Variants in PLCB1 observed in about 807,000 individuals in gnomAD.
PLCB1 encodes 1-phosphatidylinositol 4,5-bisphosphate phosphodiesterase beta-1.
PLCB1 carries 46 observed loss-of-function variants against 161.8 expected under a neutral mutation model. The observed-to-expected ratio is 0.28, with a 90% CI of 0.22 to 0.36. The LOEUF (loss-of-function observed/expected upper bound fraction) is 0.36, where lower values mean the gene tolerates loss of function less well. Among genes scored for constraint, PLCB1 ranks in the 10% least tolerant of loss-of-function variants. The probability of loss-of-function intolerance (pLI) is 1.00; values close to 1 mark genes in which losing one functional copy is unlikely to be tolerated. For missense variants in PLCB1, 1,016 were observed against 1,472.5 expected, an observed-to-expected ratio of 0.69 and a Z score of 5.07; for synonymous variants, 517 against 503.7, an observed-to-expected ratio of 1.03 and a Z score of -0.35.
intron 3 of PLCB1, among the ~76,000 whole-genome samples, chr20:8,442,818 C>T (rs1980622560): frequency 6.6e-6 from 1 of 152,076 alleles, no homozygotes; most frequent in South Asian, 2.1e-4. Context: ...ACCAAGCATG[C>T]TGGGAAAATC....
intron 26 of PLCB1, among the ~76,000 whole-genome samples, chr20:8,772,995 A>G (rs1051742451): frequency 1.3e-5 from 2 of 152,234 alleles, no homozygotes; most frequent in African/African-American, 2.4e-5. Flanking sequence ...CCAAGAGGAA[A>G]GTTTCCCTCA....
At chr20:8,736,337 A>G (rs893155447) in intron 19 of PLCB1, among the ~76,000 whole-genome samples, 1 of 152,218 alleles carries the variant, frequency 6.6e-6, no homozygotes, top group Admixed American at 6.5e-5. Context: ...TATAATATCC[A>G]TTAGTTCTGT....
intron 3 of PLCB1, among the ~76,000 whole-genome samples, chr20:8,546,271 G>A (rs187628991): frequency 1.1e-3 from 153 of 138,226 alleles, no homozygotes; most frequent in Non-Finnish European, 1.8e-3. Context: ...CTGAGATCGC[G>A]CCACTGACTC....
At chr20:8,662,540 T>C (rs1381875725) in intron 9 of PLCB1, among the ~76,000 whole-genome samples, 1 of 144,472 alleles carries the variant, frequency 6.9e-6, no homozygotes, top group Non-Finnish European at 1.5e-5. Flanking sequence ...ATGTGTAATA[T>C]ATAATTATTT....
intron 2 of PLCB1, among the ~76,000 whole-genome samples, chr20:8,176,926 A>G (rs781256271): frequency 6.6e-6 from 1 of 152,178 alleles, no homozygotes; most frequent in South Asian, 2.1e-4. Flanking sequence ...GATAGAATGA[A>G]TATTACTTTA....
chr20:8,392,514 A>G (rs1987638367), intron 3 of PLCB1, among the ~76,000 whole-genome samples: 1 of 152,160 alleles, frequency 6.6e-6, no homozygotes, highest in South Asian at 2.1e-4. Context: ...GAGTCATACC[A>G]TCTTTTAGGA....
At chr20:8,285,784 C>T (rs1002963411) in intron 2 of PLCB1, among the ~76,000 whole-genome samples, 7 of 152,072 alleles carry the variant, frequency 4.6e-5, no homozygotes, top group African/African-American at 7.2e-5. Context: ...CCCACCAGTG[C>T]GGGGTTTGTA....
intron 2 of PLCB1, among the ~76,000 whole-genome samples, chr20:8,244,583 G>GT (rs1196637338): frequency 1.3e-5 from 2 of 151,796 alleles, no homozygotes; most frequent in Non-Finnish European, 2.9e-5. Context: ...CCTGGGGAGG[G>GT]TTTTTCCAGG....
At chr20:8,602,786 T>C (rs1987631707) in intron 3 of PLCB1, among the ~76,000 whole-genome samples, 1 of 152,238 alleles carries the variant, frequency 6.6e-6, no homozygotes, top group South Asian at 2.1e-4. Flanking sequence ...CTGTGGCTTA[T>C]GAAAGAGAAA....
intron 3 of PLCB1, among the ~76,000 whole-genome samples, chr20:8,613,889 T>C (rs1254891790): frequency 6.6e-6 from 1 of 151,940 alleles, no homozygotes; most frequent in Non-Finnish European, 1.5e-5. Context: ...TAAATTTCTA[T>C]AGGAGAAAAT....
chr20:8,391,237 C>T (rs990723753), intron 3 of PLCB1, among the ~76,000 whole-genome samples: 2 of 151,702 alleles, frequency 1.3e-5, no homozygotes, highest in African/African-American at 4.8e-5. Context: ...TGATTAAAAT[C>T]TAACTTCTAT....
intron 9 of PLCB1, 79 bp downstream of exon 9, chr20:8,658,783 A>G (rs1989540953): frequency 8.4e-7 from 1 of 1,197,410 alleles, no homozygotes; most frequent in East Asian, 2.4e-5. Flanking sequence ...TAGGAACACC[A>G]GTGATCGTTA....
chr20:8,590,867 T>G (rs955435800), intron 3 of PLCB1, among the ~76,000 whole-genome samples: 1 of 152,188 alleles, frequency 6.6e-6, no homozygotes, highest in African/African-American at 2.4e-5. Context: ...CGTGCAGGTT[T>G]GTTACATAGG....
At chr20:8,640,105 G>T (rs1316316965) in intron 4 of PLCB1, among the ~76,000 whole-genome samples, 1 of 152,096 alleles carries the variant, frequency 6.6e-6, no homozygotes, top group Non-Finnish European at 1.5e-5. Flanking sequence ...AAGTTGGAAG[G>T]TATAATTAAG....
intron 2 of PLCB1, among the ~76,000 whole-genome samples, chr20:8,213,921 C>T (rs192007602): frequency 1.3e-5 from 2 of 152,032 alleles, no homozygotes; most frequent in Admixed American, 6.6e-5. Context: ...ATACAAATAA[C>T]GTCATTTTCC....
intron 2 of PLCB1, among the ~76,000 whole-genome samples, chr20:8,258,784 G>A (rs959027703): frequency 1.3e-5 from 2 of 152,020 alleles, no homozygotes; most frequent in Non-Finnish European, 2.9e-5. Flanking sequence ...TAAGCCATGT[G>A]GGTTTTTTTT....
chr20:8,569,198 G>A (rs985650161), intron 3 of PLCB1, among the ~76,000 whole-genome samples: 1 of 152,202 alleles, frequency 6.6e-6, no homozygotes. Context: ...GAAAGTCATC[G>A]TAGGAATGAT....
At chr20:8,795,234 A>G (rs6516403) in intron 31 of PLCB1, among the ~76,000 whole-genome samples, 50,921 of 151,974 alleles carry the variant, frequency 0.34, 9,066 homozygotes, top group Admixed American at 0.42. Flanking sequence ...TCCCTATGAA[A>G]AAAGAGATTC....
At chr20:8,426,086 A>G (rs552751149) in intron 3 of PLCB1, among the ~76,000 whole-genome samples, 256 of 152,304 alleles carry the variant, frequency 1.7e-3, no homozygotes, top group African/African-American at 5.9e-3. Flanking sequence ...CATGGGAAGC[A>G]CTGCTTCATT....
Sources: allele counts gnomAD v4.1 joint callset (sites outside exome capture counted in the v4.1 genomes callset), GRCh38; gene constraint gnomAD v4.1.1; transcripts MANE v1.5; gene names NCBI Gene and HGNC (gene_info 2026-07-23, HGNC 2026-07-21).